NEK4: variants seen among roughly 807,000 people sequenced by gnomAD.
NEK4 encodes the protein NIMA related kinase 4.
NEK4 carries 86 observed loss-of-function variants against 98.4 expected under a neutral mutation model. The ratio of observed to expected loss-of-function variants is 0.87; its 90% CI spans 0.73 to 1.05. NEK4 has a LOEUF of 1.05. NEK4 is among the 50% of genes least tolerant of loss of function. The pLI is 0.00. For missense variants in NEK4, 898 were observed against 950.3 expected, an observed-to-expected ratio of 0.94 and a Z score of 0.72; for synonymous variants, 328 against 342.2, an observed-to-expected ratio of 0.96 and a Z score of 0.46.
rs746684655 is a variant in NEK4, at chr3:52,763,641, T to TATA, written c.667-18_667-17insTAT. 1,160 of 1,560,718 alleles carry TATA rather than the reference T, an allele frequency of 7.4e-4. No homozygotes were observed. The highest frequency in any genetic ancestry group is 9.5e-4 in the Non-Finnish European group (1,092 of 1,148,046). ...TGGTGGCAGCTACAAATAAAAATAATATTGTAATTATGACTAATGGTCTTG... is the reference window on the plus strand; with the variant it reads ...TGGTGGCAGCTACAAATAAAAATAATATAATTGTAATTATGACTAATGGTCTTG... On this transcript the variant is annotated splice_polypyrimidine_tract_variant and intron_variant, in intron 4 of 15. Coordinates refer to ENST00000233027, the MANE Select transcript of NEK4 (RefSeq NM_003157.6).
rs555345215 is a variant in NEK4, at chr3:52,715,156, T to C, written c.2434-3287A>G. Among the ~76,000 whole-genome samples the C allele has an allele frequency of 4.1e-4, 63 of 152,336 alleles. 1 individual carries two copies. In the South Asian group the frequency reaches 0.013, roughly 31 times the overall value. The stretch of plus-strand genomic sequence containing the variant: ...TCCCATAGACCAGAGTGGGAACTTG[T>C]GGTGCCTTTTCTGGGCCTACCCATG... On this transcript the variant is annotated intron_variant, in intron 15 of 15. Coordinates refer to ENST00000233027, the MANE Select transcript of NEK4 (RefSeq NM_003157.6).
chr3:52,733,819 T>A, intron 15 of NEK4: 1 of 387,726 alleles, frequency 2.6e-6, no homozygotes, highest in South Asian at 2.1e-5. Context: ...TTGCATGACA[T>A]TGGAAGATTC....
At chr3:52,745,162 G>A (rs2097393930) in intron 10 of NEK4, among the ~76,000 whole-genome samples, 1 of 151,932 alleles carries the variant, frequency 6.6e-6, no homozygotes, top group Non-Finnish European at 1.5e-5. Flanking sequence ...CTTGTGATCT[G>A]CCCACCTCGG....
At chr3:52,741,745 A>G (rs78735709) in intron 12 of NEK4, among the ~76,000 whole-genome samples, 6,017 of 152,076 alleles carry the variant, frequency 0.04, 401 homozygotes, top group African/African-American at 0.14. Flanking sequence ...AGAACATCAG[A>G]TGAAGTTTTT....
chr3:52,745,897 A>T (rs901647743), intron 10 of NEK4, among the ~76,000 whole-genome samples, 164 bp downstream of exon 10: 1 of 152,048 alleles, frequency 6.6e-6, no homozygotes, highest in African/African-American at 2.4e-5. Context: ...TAATTTTTAA[A>T]TTTTTTGTAG....
chr3:52,719,142 C>G (rs2097357838), intron 15 of NEK4, among the ~76,000 whole-genome samples: 2 of 152,180 alleles, frequency 1.3e-5, no homozygotes, highest in South Asian at 4.1e-4. Context: ...CTAAGCTAAG[C>G]TTTGGAATAA....
intron 14 of NEK4, 115 bp downstream of exon 14, chr3:52,739,314 G>A (rs560567446): frequency 1.8e-5 from 14 of 787,930 alleles, no homozygotes; most frequent in African/African-American, 6.9e-5. Context: ...CAGGAGAATC[G>A]CTTGAACCCG....
At chr3:52,731,959 G>T (rs1578637774) in intron 15 of NEK4, among the ~76,000 whole-genome samples, 1 of 152,154 alleles carries the variant, frequency 6.6e-6, no homozygotes, top group African/African-American at 2.4e-5. Flanking sequence ...ATGAAGGGCA[G>T]TCCCCCTGCA....
chr3:52,725,117 A>G (rs72960240), intron 15 of NEK4, among the ~76,000 whole-genome samples: 2 of 152,200 alleles, frequency 1.3e-5, no homozygotes, highest in Admixed American at 1.3e-4. Flanking sequence ...CTAAAAGCTA[A>G]TATTACTGTA....
chr3:52,741,442 T>C lies in NEK4; in HGVS notation c.2062A>G (p.Thr688Ala). 2 of 1,609,598 alleles carry C rather than the reference T, an allele frequency of 1.2e-6. No individual in the cohort carries two copies. The highest frequency in any genetic ancestry group is 1.7e-6 in the Non-Finnish European group (2 of 1,175,996). ...EDELSSSTSSTDKSDGDYGEG... is the reference protein window; with the variant it reads ...EDELSSSTSSADKSDGDYGEG... ...CCGTAATCCCCATCTGACTTATCAG[T>C]TGAACTTGTAGAAGAACTTAACTCA... Residue 688 changes from threonine (T) to alanine (A), a missense_variant, in exon 13 of 16, where the codon ACT (threonine) becomes GCT (alanine). Physicochemically the swap from Thr to Ala is moderately conservative, Grantham distance 58. Coordinates refer to ENST00000233027, the MANE Select transcript of NEK4 (RefSeq NM_003157.6).
At chr3:52,752,408 C>A (rs1578680025) in intron 6 of NEK4, 72 bp from the exon 7 acceptor site, 1 of 1,417,194 alleles carries the variant, frequency 7.1e-7, no homozygotes, top group East Asian at 2.3e-5. Flanking sequence ...CAAAATGCAA[C>A]AAGAGGTTCC....
At position 52,760,830 on chromosome 3, in the gene NEK4, G is replaced by A. The variant is rs1037636522; in HGVS notation, c.928C>T (p.Pro310Ser). Residue 310 changes from proline (P) to serine (S), a missense_variant, in exon 6 of 16, where the codon CCA becomes TCA. By Grantham distance (74) the Pro-to-Ser change is moderately conservative. Transcript: ENST00000233027. ...ESNHEVIHPQ[P>S]LSSEGSQTYI... is the part of the protein sequence containing the mutation. Reference sequence around the variant, plus strand: ...GTCTGGGAGCCCTCAGAAGAGAGTGGTTGGGGGTGGATTACTTCATGATTT... The same window carrying A: ...GTCTGGGAGCCCTCAGAAGAGAGTGATTGGGGGTGGATTACTTCATGATTT... 6.2e-7 allele frequency: 1 copy of A among 1,610,968 alleles called. No individual in the cohort carries two copies. The highest frequency in any genetic ancestry group is 8.5e-7 in the Non-Finnish European group (1 of 1,177,534).
chr3:52,739,594 T>C lies in NEK4; in HGVS notation c.2134A>G (p.Met712Val), dbSNP rs765124227. ...TNEINALVQL[M>V]TQTLKLDSKE... ...GAATCCAGTTTCAGGGTCTGAGTCA[T>C]CAATTGTACCAAGGCATTAATTTCA... The change falls in exon 14 of 16, where the codon ATG becomes GTG. Residue 712 changes from methionine to valine, a missense_variant. Met to Val is a conservative substitution (Grantham distance 21). Coordinates refer to ENST00000233027, the MANE Select transcript of NEK4 (RefSeq NM_003157.6). The C allele has an allele frequency of 1.5e-5, 25 of 1,614,168 alleles. No homozygotes were observed. Among genetic ancestry groups the C allele is most frequent in the Non-Finnish European group, 2.1e-5 (25 of 1,180,012 alleles).
At chr3:52,755,498 TA>T (rs774068577) in intron 6 of NEK4, among the ~76,000 whole-genome samples, 13 of 151,304 alleles carry the variant, frequency 8.6e-5, no homozygotes, top group African/African-American at 2.2e-4. Context: ...TTTTCATGAT[TA>T]AAAAAAAATT....
rs768535180 is a variant in NEK4 at position 52,743,348 on chromosome 3, G to A, written c.2004+4C>T. The A allele has an allele frequency of 3.1e-6, 5 of 1,610,030 alleles. No homozygotes were observed. The highest frequency in any genetic ancestry group is 3.3e-5 in the Admixed American group (2 of 59,984). On this transcript the variant is annotated splice_donor_region_variant and intron_variant, in intron 12 of 15. Transcript: ENST00000233027. ...ACCTTCTCTCTTAGGAGTACGTAAT[G>A]CACCTGAGTGACGCTGCAGTCAGAG...
chr3:52,710,364 TAA>T lies in NEK4; in HGVS notation c.*1411_*1412del, dbSNP rs56359883. 2.8e-3 allele frequency: 415 copies of T among 145,786 alleles called. No individual in the cohort carries two copies. Among genetic ancestry groups the T allele is most frequent in the Admixed American group, 2.9e-3 (42 of 14,686 alleles). The allele number at this position is 145,786 out of a possible 1,614,324, so 9.0% of individuals were successfully genotyped here. A position where few individuals can be genotyped will look rare whatever the true frequency, so the allele number is the denominator to read the frequency against. On this transcript the variant is annotated 3_prime_UTR_variant, in exon 16 of 16. Transcript: ENST00000233027. ...TGGGTGACAGAGCAAGACTGTGTCT[TAA>T]AAAAAAAAAAAAATTGTTAAGTGGC...
At chr3:52,742,042 T>G (rs570070440) in intron 12 of NEK4, among the ~76,000 whole-genome samples, 1 of 152,180 alleles carries the variant, frequency 6.6e-6, no homozygotes, top group Non-Finnish European at 1.5e-5. Context: ...CCTCCCAAAG[T>G]GCCGGGATTA....
chr3:52,718,658 A>C (rs183629883), intron 15 of NEK4, among the ~76,000 whole-genome samples: 135 of 152,270 alleles, frequency 8.9e-4, no homozygotes, highest in African/African-American at 3.1e-3. Flanking sequence ...AGAAACCAGC[A>C]GTCACCACCT....
At chr3:52,712,466 C>CT (rs1429947463) in intron 15 of NEK4, among the ~76,000 whole-genome samples, 1 of 152,134 alleles carries the variant, frequency 6.6e-6, no homozygotes, top group Non-Finnish European at 1.5e-5. Flanking sequence ...ACAGGGTGCT[C>CT]TTTTAGTTTA....
Sources: allele counts gnomAD v4.1 joint callset (sites outside exome capture counted in the v4.1 genomes callset), GRCh38; gene constraint gnomAD v4.1.1; transcripts MANE v1.5; gene names NCBI Gene and HGNC (gene_info 2026-07-23, HGNC 2026-07-21).